Variants in ACTN1 observed in about 807,000 individuals in gnomAD.
ACTN1 encodes the protein actinin alpha 1.
Under a neutral mutation model 119.6 loss-of-function variants are expected in ACTN1, and 30 were observed. The observed-to-expected ratio is 0.25, with a 90% CI of 0.19 to 0.34. The LOEUF (loss-of-function observed/expected upper bound fraction) is 0.34. Ranked by LOEUF, ACTN1 falls within the 10% of genes least tolerant of loss-of-function variation. The pLI, the probability that ACTN1 is intolerant of heterozygous loss-of-function variation, is 1.00. For missense variants in ACTN1, 764 were observed against 1,223.4 expected (o/e 0.62, Z 5.60); for synonymous variants, 429 against 472.6 (o/e 0.91, Z 1.20).
intron 11 of ACTN1, 135 bp downstream of exon 11, chr14:68,890,004 T>C: frequency 7.5e-7 from 1 of 1,338,734 alleles, no homozygotes; most frequent in Non-Finnish European, 1.0e-6. Flanking sequence ...CTAATGAACT[T>C]GCCTAAAGCC....
chr14:68,914,722 G>A (rs562618370), intron 3 of ACTN1, among the ~76,000 whole-genome samples: 1 of 152,224 alleles, frequency 6.6e-6, no homozygotes, highest in East Asian at 1.9e-4. Context: ...TGAGCTGTGT[G>A]ATATCACCGC....
At position 68,878,096 on chromosome 14, in the gene ACTN1, T is replaced by G. The variant is rs2031097449; in HGVS notation, c.2427+362A>C. The G allele has an allele frequency of 4.8e-6, 1 of 209,306 alleles. No individual in the cohort carries two copies. The highest frequency in any genetic ancestry group is 5.2e-5 in the Admixed American group (1 of 19,132). 13.0% of individuals were successfully genotyped at this position (209,306 alleles called of 1,614,324 possible). A position where few individuals can be genotyped will look rare whatever the true frequency, so the allele number is the denominator to read the frequency against. On this transcript the variant is annotated intron_variant, in intron 20 of 21. Transcript: ENST00000394419. The surrounding 1 kb of genome is among the most constrained non-coding windows in gnomAD (Gnocchi z 4.4). Reference sequence around the variant, plus strand: ...CACCGCCAGGACAGAGGTGGAAGTCTCGGTTTCCATGCTCCATGTGAGGTG... The same window carrying G: ...CACCGCCAGGACAGAGGTGGAAGTCGCGGTTTCCATGCTCCATGTGAGGTG...
intron 1 of ACTN1, among the ~76,000 whole-genome samples, chr14:68,956,289 G>A (rs908975789): frequency 4.6e-5 from 7 of 152,174 alleles, no homozygotes; most frequent in African/African-American, 1.4e-4. Flanking sequence ...AACATGGTGA[G>A]ACCCTGTCTC....
chr14:68,914,150 T>C (rs982988243), intron 3 of ACTN1, among the ~76,000 whole-genome samples: 1 of 151,720 alleles, frequency 6.6e-6, no homozygotes, highest in African/African-American at 2.4e-5. Flanking sequence ...AGGCAGAGGC[T>C]GCAGTGAGCT....
At position 68,878,516 on chromosome 14, in the gene ACTN1, G is replaced by T. The variant is rs370300375; in HGVS notation, c.2369C>A (p.Thr790Lys). ...YDIGNDPQKKTGMMDTDDFRA... is the reference protein window; with the variant it reads ...YDIGNDPQKKKGMMDTDDFRA... ...GAAATCATCCGTGTCCATCATGCCT[G>T]TCTTCTTCTGTGGGGGGCAGTGGTA... The change falls in exon 20 of 22, where the codon ACA (threonine) becomes AAA (lysine). Residue 790 changes from threonine to lysine, a missense_variant. Coordinates refer to ENST00000394419, the MANE Select transcript of ACTN1 (RefSeq NM_001130004.2). The surrounding 1 kb of genome is among the most constrained non-coding windows in gnomAD (Gnocchi z 4.4). The T allele has an allele frequency of 6.2e-7, 1 of 1,605,140 alleles. No homozygotes were observed. Among genetic ancestry groups the T allele is most frequent in the Non-Finnish European group, 8.5e-7 (1 of 1,174,968 alleles).
intron 8 of ACTN1, among the ~76,000 whole-genome samples, chr14:68,901,197 T>C (rs1234834164): frequency 6.8e-6 from 1 of 147,088 alleles, no homozygotes; most frequent in African/African-American, 2.6e-5. Context: ...CATTTTTTTT[T>C]TGTTTTATGG....
At chr14:68,945,635 G>A (rs75019674) in intron 1 of ACTN1, among the ~76,000 whole-genome samples, 4,277 of 152,292 alleles carry the variant, frequency 0.028, 207 homozygotes, top group African/African-American at 0.097. Flanking sequence ...GTAGGAGAGG[G>A]AGAAGCAGGT....
intron 1 of ACTN1, among the ~76,000 whole-genome samples, chr14:68,960,749 A>T (rs1375399361): frequency 8.1e-5 from 3 of 36,958 alleles, no homozygotes; most frequent in South Asian, 4.9e-4. Context: ...TATCTCTATT[A>T]AAAAAAAAAA....
chr14:68,972,627 G>A (rs1312178651), intron 1 of ACTN1, among the ~76,000 whole-genome samples: 1 of 152,288 alleles, frequency 6.6e-6, no homozygotes, highest in East Asian at 1.9e-4. Context: ...CCGGGGTTTT[G>A]TTTGTATATG....
chr14:68,899,189 C>G lies in ACTN1; in HGVS notation c.762+3288G>C, dbSNP rs531264571. Reference sequence around the variant, plus strand: ...CACACCTCACACCCTACACCTCACACCCACAGCACACTATACCCCTCCACA... The same window carrying G: ...CACACCTCACACCCTACACCTCACAGCCACAGCACACTATACCCCTCCACA... On this transcript the variant is annotated intron_variant, in intron 8 of 21. Transcript: ENST00000394419. Among the ~76,000 whole-genome samples the G allele has an allele frequency of 1.1e-4, 16 of 146,032 alleles. No homozygotes were observed. The South Asian group carries it at 3.4e-3, about 31-fold the overall frequency.
At chr14:68,937,918 C>T (rs958243673) in intron 1 of ACTN1, among the ~76,000 whole-genome samples, 1 of 152,210 alleles carries the variant, frequency 6.6e-6, no homozygotes, top group Admixed American at 6.5e-5. Context: ...GCGTTGAGTC[C>T]TCTGCAGCAT....
chr14:68,963,900 GTGTGTGAATTTTCCA>G (rs2036619073), intron 1 of ACTN1, among the ~76,000 whole-genome samples: 1 of 152,134 alleles, frequency 6.6e-6, no homozygotes, highest in South Asian at 2.1e-4. Context: ...CTCTACTCCT[GTGTGTGAATTTTCCA>G]TAAGTTTTAA....
At chr14:68,905,362 T>C (rs1031567228) in intron 6 of ACTN1, among the ~76,000 whole-genome samples, 1 of 152,168 alleles carries the variant, frequency 6.6e-6, no homozygotes, top group African/African-American at 2.4e-5. Flanking sequence ...TAAACGTAGG[T>C]GGAATGTCAA....
intron 16 of ACTN1, among the ~76,000 whole-genome samples, chr14:68,881,824 CAGG>C (rs1450878692): frequency 2.6e-5 from 4 of 151,620 alleles, no homozygotes; most frequent in Non-Finnish European, 5.9e-5. Flanking sequence ...GCTCATTGCT[CAGG>C]AGGAGGAGGA....
rs1234087496 is a variant in ACTN1 at position 68,936,610 on chromosome 14, C to T, written c.106-10938G>A. ...GATTAGGCCTAATCAAGATGACAAC[C>T]TTCCAAAAGCACCGAGAGTTCGTGG... On this transcript the variant is annotated intron_variant, in intron 1 of 21. Transcript: ENST00000394419. 3 of 581,660 alleles carry T rather than the reference C, an allele frequency of 5.2e-6. No homozygotes were observed. The African/African-American group carries it at 5.7e-5, about 11-fold the overall frequency. The allele number at this position is 581,660 out of a possible 1,614,324, so 36.0% of individuals were successfully genotyped here.
intron 10 of ACTN1, among the ~76,000 whole-genome samples, chr14:68,891,631 C>A (rs2032495941): frequency 6.6e-6 from 1 of 151,860 alleles, no homozygotes. Context: ...ATATACTACC[C>A]AAAAAAACCC....
At position 68,878,973 on chromosome 14, in the gene ACTN1, T is replaced by G; in HGVS notation, c.2361+16A>C. 1 of 1,613,068 alleles carries G rather than the reference T, an allele frequency of 6.2e-7. No individual in the cohort carries two copies. Among genetic ancestry groups the G allele is most frequent in the Non-Finnish European group, 8.5e-7 (1 of 1,179,780 alleles). On this transcript the variant is annotated intron_variant, in intron 19 of 21. Transcript: ENST00000394419. This position sits in a 1 kb window ranked among gnomAD's most constrained non-coding sequence, Gnocchi z 4.4. ...AGACGCCACCCCTGAGCGTGCTCCA[T>G]GCAGGAGGCGAGTACCTGGGGGTCG...
intron 1 of ACTN1, among the ~76,000 whole-genome samples, chr14:68,966,829 C>T (rs184905657): frequency 2.0e-5 from 3 of 152,334 alleles, no homozygotes; most frequent in Admixed American, 6.5e-5. Flanking sequence ...CAAACCCACA[C>T]AAAAGGACCA....
chr14:68,921,888 C>T (rs1320171673), intron 2 of ACTN1, among the ~76,000 whole-genome samples: 1 of 152,198 alleles, frequency 6.6e-6, no homozygotes, highest in East Asian at 1.9e-4. Flanking sequence ...AGATTCCACA[C>T]AGTAGCTTCT....
Sources: allele counts gnomAD v4.1 joint callset (sites outside exome capture counted in the v4.1 genomes callset), GRCh38; gene constraint gnomAD v4.1.1; non-coding constraint Gnocchi (gnomAD v3.1); transcripts MANE v1.5; gene names NCBI Gene and HGNC (gene_info 2026-07-23, HGNC 2026-07-21).